Variants in SLC30A8 observed in about 807,000 individuals in gnomAD.
The protein encoded by SLC30A8 is solute carrier family 30 member 8.
Under a neutral mutation model 36.9 loss-of-function variants are expected in SLC30A8, and 27 were observed. The ratio of observed to expected loss-of-function variants is 0.73; its 90% CI spans 0.54 to 1.01. The LOEUF (loss-of-function observed/expected upper bound fraction) is 1.01. SLC30A8 is among the 50% of genes least tolerant of loss of function. The probability of loss-of-function intolerance (pLI) is 0.00; values close to 1 mark genes in which losing one functional copy is unlikely to be tolerated. For synonymous variants in SLC30A8, 164 were observed against 172.4 expected (o/e 0.95, Z 0.38); for missense variants, 439 against 452.0 (o/e 0.97, Z 0.26).
intron 1 of SLC30A8, among the ~76,000 whole-genome samples, chr8:116,991,667 A>G (rs2130664800): frequency 6.6e-6 from 1 of 152,308 alleles, no homozygotes; most frequent in East Asian, 1.9e-4. Flanking sequence ...CATCAGTTGT[A>G]AATCTTAATC....
rs745838655 is a variant in SLC30A8, at chr8:117,036,554, TG to T, written c.-265-2662del. On this transcript the variant is annotated intron_variant, in intron 1 of 10. Coordinates refer to the SLC30A8 transcript ENST00000427715. ...CATGGCTGGGGAGGTCTTACATGGC[TG>T]GGAAACTTCCAATCATGGCGGAAGG... is the stretch of plus-strand genomic sequence containing the variant. Among the ~76,000 whole-genome samples, 25 of 152,214 alleles carry T rather than the reference TG, an allele frequency of 1.6e-4. No individual in the cohort carries two copies. In the East Asian group the frequency reaches 4.6e-3, roughly 28 times the overall value.
intron 2 of SLC30A8, among the ~76,000 whole-genome samples, chr8:117,065,913 G>A (rs1818154046): frequency 6.6e-6 from 1 of 152,178 alleles, no homozygotes; most frequent in South Asian, 2.1e-4. Flanking sequence ...AGGGCTGGTG[G>A]AGCCTGGGCT....
At chr8:117,155,075 G>A (rs762996109) in intron 3 of SLC30A8, among the ~76,000 whole-genome samples, 1 of 152,158 alleles carries the variant, frequency 6.6e-6, no homozygotes, top group Admixed American at 6.5e-5. Flanking sequence ...ACATTCATAC[G>A]CAACACACCC....
intron 1 of SLC30A8, among the ~76,000 whole-genome samples, chr8:117,006,633 AACGGCTGGTGCGT>A (rs1433486999): frequency 6.6e-6 from 1 of 152,036 alleles, no homozygotes; most frequent in Non-Finnish European, 1.5e-5. Context: ...GTGGGGGCAG[AACGGCTGGTGCGT>A]CATCAGTCTA....
chr8:117,080,671 C>CT (rs1818646619), intron 2 of SLC30A8, among the ~76,000 whole-genome samples: 1 of 152,268 alleles, frequency 6.6e-6, no homozygotes, highest in African/African-American at 2.4e-5. Flanking sequence ...TGATTTCATT[C>CT]TTTTTTATGG....
chr8:117,081,640 T>C (rs550029072), intron 2 of SLC30A8, among the ~76,000 whole-genome samples: 2 of 152,190 alleles, frequency 1.3e-5, no homozygotes, highest in Non-Finnish European at 2.9e-5. Flanking sequence ...ATGAGCATTC[T>C]CTTGTCCTTT....
intron 2 of SLC30A8, among the ~76,000 whole-genome samples, chr8:117,152,332 C>G (rs1218301440): frequency 6.6e-6 from 1 of 152,166 alleles, no homozygotes; most frequent in African/African-American, 2.4e-5. Context: ...GCAGGACTCT[C>G]ATGGCTTACA....
chr8:117,039,065 T>A (rs905904), intron 1 of SLC30A8, among the ~76,000 whole-genome samples: 52,835 of 152,076 alleles, frequency 0.35, 11,940 homozygotes, highest in African/African-American at 0.65. Flanking sequence ...CTGACCTGGA[T>A]CTCAAATAAT....
At chr8:116,977,449 G>A (rs1815086586) in intron 1 of SLC30A8, among the ~76,000 whole-genome samples, 1 of 150,868 alleles carries the variant, frequency 6.6e-6, no homozygotes, top group Non-Finnish European at 1.5e-5. Context: ...CACCGTGCCT[G>A]GCCTTTTCTT....
At chr8:117,102,573 G>A (rs1463986643) in intron 2 of SLC30A8, among the ~76,000 whole-genome samples, 1 of 152,142 alleles carries the variant, frequency 6.6e-6, no homozygotes, top group African/African-American at 2.4e-5. Flanking sequence ...GACTCTAGAA[G>A]TCTGAAGTCA....
At chr8:117,132,069 A>G (rs572482417), upstream of SLC30A8, among the ~76,000 whole-genome samples, 8 of 152,034 alleles carry the variant, frequency 5.3e-5, no homozygotes, top group Non-Finnish European at 1.2e-4. Context: ...TTATTTAAAA[A>G]CAGGCACATT....
intron 2 of SLC30A8, among the ~76,000 whole-genome samples, chr8:117,063,217 T>C (rs568283177): frequency 7.0e-4 from 107 of 152,310 alleles, no homozygotes; most frequent in African/African-American, 2.5e-3. Flanking sequence ...CATTTAATTA[T>C]ATTAGCAAGA....
intron 1 of SLC30A8, among the ~76,000 whole-genome samples, chr8:117,138,237 G>A (rs574877460): frequency 5.3e-5 from 8 of 151,910 alleles, no homozygotes; most frequent in African/African-American, 1.7e-4. Context: ...GATGGTAGAG[G>A]TAAACTGCTA....
At chr8:117,136,087 A>G (rs1409724875) in intron 1 of SLC30A8, among the ~76,000 whole-genome samples, 2 of 152,016 alleles carry the variant, frequency 1.3e-5, no homozygotes, top group Non-Finnish European at 2.9e-5. Flanking sequence ...AGGCAATTAC[A>G]AAACAGTGTA....
intron 1 of SLC30A8, among the ~76,000 whole-genome samples, chr8:116,965,471 T>A (rs578191457): frequency 1.1e-4 from 16 of 152,352 alleles, no homozygotes; most frequent in South Asian, 8.3e-4. Context: ...TGGACTATTT[T>A]AAAAATGTCT....
At chr8:117,119,927 A>G (rs1167232568) in intron 2 of SLC30A8, among the ~76,000 whole-genome samples, 1 of 151,966 alleles carries the variant, frequency 6.6e-6, no homozygotes, top group Non-Finnish European at 1.5e-5. Flanking sequence ...AACCAGAGGT[A>G]AAAGACTTAT....
intron 2 of SLC30A8, among the ~76,000 whole-genome samples, chr8:117,085,625 A>G (rs1484029820): frequency 6.6e-6 from 1 of 152,170 alleles, no homozygotes; most frequent in African/African-American, 2.4e-5. Context: ...ACTTTCCCTT[A>G]CTATGCCTTC....
chr8:117,031,257 A>G (rs1586420984), intron 1 of SLC30A8, among the ~76,000 whole-genome samples: 1 of 152,206 alleles, frequency 6.6e-6, no homozygotes, highest in Non-Finnish European at 1.5e-5. Flanking sequence ...ATCCTACAAG[A>G]TAGATGTTGC....
chr8:117,149,220 G>A (rs1159255280), intron 2 of SLC30A8, among the ~76,000 whole-genome samples: 1 of 152,140 alleles, frequency 6.6e-6, no homozygotes, highest in African/African-American at 2.4e-5. Flanking sequence ...AAGGATGAGT[G>A]TTGACTTTTA....
Sources: gnomAD v4.1 joint callset for allele counts (sites outside exome capture counted in the v4.1 genomes callset) on GRCh38, gnomAD v4.1.1 for gene constraint, MANE v1.5 for transcripts, NCBI Gene and HGNC (gene_info 2026-07-23, HGNC 2026-07-21) for gene names.